The following USH2A variants were observed in gnomAD, a reference collection of about 807,000 sequenced individuals.
USH2A encodes the protein Usher syndrome 2A (autosomal recessive, mild).
A neutral mutation model predicts 538.9 loss-of-function variants in USH2A; 443 were observed. The ratio of observed to expected loss-of-function variants is 0.82; its 90% CI spans 0.76 to 0.89. USH2A has a LOEUF of 0.89. USH2A is among the 40% of genes least tolerant of loss of function. The probability of loss-of-function intolerance (pLI) is 0.00; values close to 1 mark genes in which losing one functional copy is unlikely to be tolerated. For missense variants in USH2A, 6,633 were observed against 6,324.8 expected (o/e 1.05, Z -1.65); for synonymous variants, 2,413 against 2,273.5 (o/e 1.06, Z -1.75).
At chr1:215,839,037 G>A (rs559606649) in intron 46 of USH2A, among the ~76,000 whole-genome samples, 2 of 152,188 alleles carry the variant, frequency 1.3e-5, no homozygotes, top group South Asian at 4.1e-4. Context: ...TACTAGATAT[G>A]CTATTTTATT....
intron 50 of USH2A, among the ~76,000 whole-genome samples, chr1:215,791,343 A>G (rs1257057614): frequency 1.3e-5 from 2 of 152,214 alleles, no homozygotes; most frequent in Non-Finnish European, 2.9e-5. Flanking sequence ...CTCAAATTCA[A>G]AGTGCCCTGG....
intron 38 of USH2A, among the ~76,000 whole-genome samples, chr1:215,916,451 T>C (rs1665957818): frequency 6.6e-6 from 1 of 152,146 alleles, no homozygotes; most frequent in South Asian, 2.1e-4. Flanking sequence ...ACATTTATCT[T>C]GGTCTTTCAC....
Position 215,641,573 on chromosome 1 carries a change from T to C in USH2A, c.14792-839A>G, listed in dbSNP as rs555858333. 7.2e-5 allele frequency among the ~76,000 whole-genome samples: 11 copies of C among 152,318 alleles called. No homozygotes were observed. In the East Asian group the frequency reaches 2.1e-3, roughly 29 times the overall value. ...ACAAATGAAGGGATACCATGTCATC[T>C]TGTCAAGTCAGAAGAGATTTATTTC... On this transcript the variant is annotated intron_variant, in intron 67 of 71. Coordinates refer to ENST00000307340, the MANE Select transcript of USH2A (RefSeq NM_206933.4).
chr1:215,985,652 GTATT>G (rs1667853793), intron 35 of USH2A, among the ~76,000 whole-genome samples: 1 of 151,978 alleles, frequency 6.6e-6, no homozygotes, highest in South Asian at 2.1e-4. Context: ...AGGAAATCAA[GTATT>G]TATTTCTATG....
chr1:215,836,565 A>AATATATATATATATATTTT (rs1663536970), intron 47 of USH2A, among the ~76,000 whole-genome samples: 1 of 32,868 alleles, frequency 3.0e-5, no homozygotes, highest in African/African-American at 9.2e-5. Context: ...ATATATATAT[A>AATATATATATATATATTTT]TTTTTTTTTG....
intron 56 of USH2A, among the ~76,000 whole-genome samples, chr1:215,761,564 GT>G (rs563306158): frequency 8.6e-4 from 131 of 152,244 alleles, no homozygotes; most frequent in African/African-American, 3.1e-3. Flanking sequence ...CCTAATACAT[GT>G]TTAATGAGTA....
intron 14 of USH2A, among the ~76,000 whole-genome samples, chr1:216,221,373 A>G (rs2035455113): frequency 6.6e-6 from 1 of 152,152 alleles, no homozygotes; most frequent in South Asian, 2.1e-4. Flanking sequence ...TTCCCCGATT[A>G]ACAGAGGAGC....
At chr1:216,073,370 C>G in intron 27 of USH2A, 70 bp from the exon 28 acceptor site, 1 of 1,517,514 alleles carries the variant, frequency 6.6e-7, no homozygotes, top group Non-Finnish European at 9.0e-7. Flanking sequence ...TTTTTGTCCT[C>G]TGCAGCACTA....
intron 3 of USH2A, 79 bp downstream of exon 3, chr1:216,418,435 G>C: frequency 6.5e-7 from 1 of 1,527,880 alleles, no homozygotes; most frequent in Non-Finnish European, 9.0e-7. Context: ...GATTTTGTGA[G>C]TAGATGCCAT....
At chr1:215,673,500 G>A (rs1197091153) in intron 63 of USH2A, among the ~76,000 whole-genome samples, 1 of 152,222 alleles carries the variant, frequency 6.6e-6, no homozygotes, top group South Asian at 2.1e-4. Flanking sequence ...GGAGAACAAC[G>A]CACTTCCATG....
chr1:216,370,935 A>G (rs1177360062), intron 3 of USH2A, among the ~76,000 whole-genome samples: 1 of 152,048 alleles, frequency 6.6e-6, no homozygotes, highest in African/African-American at 2.4e-5. Context: ...TACTTACTAC[A>G]TGCCCCTCAT....
rs2102618746 is a variant in USH2A, at chr1:215,623,186, A to ATAT, written c.*2592_*2594dup. 1 of 152,258 alleles carries ATAT rather than the reference A, an allele frequency of 6.6e-6. No individual in the cohort carries two copies. Among genetic ancestry groups the ATAT allele is most frequent in the African/African-American group, 2.4e-5 (1 of 41,560 alleles). 9.4% of individuals were successfully genotyped at this position (152,258 alleles called of 1,614,324 possible). Reference sequence around the variant, plus strand: ...CAACTGTACTCTTACCAAACAGTTGATATTAAGAATAACAAAACATGGTAG... The same window carrying ATAT: ...CAACTGTACTCTTACCAAACAGTTGATATTATTAAGAATAACAAAACATGGTAG... On this transcript the variant is annotated 3_prime_UTR_variant, in exon 72 of 72. Coordinates refer to ENST00000307340, the MANE Select transcript of USH2A (RefSeq NM_206933.4).
chr1:215,834,208 A>G (rs544936647), intron 47 of USH2A, among the ~76,000 whole-genome samples: 1 of 152,248 alleles, frequency 6.6e-6, no homozygotes, highest in Non-Finnish European at 1.5e-5. Flanking sequence ...ACATGAAATG[A>G]AAATATATCT....
chr1:216,060,905 G>C (rs1424202642), intron 30 of USH2A, among the ~76,000 whole-genome samples: 3 of 152,202 alleles, frequency 2.0e-5, no homozygotes, highest in Admixed American at 2.0e-4. Flanking sequence ...CTGCAGCTTT[G>C]CATGTTAACA....
At chr1:216,103,655 T>G (rs2032648729) in intron 21 of USH2A, among the ~76,000 whole-genome samples, 1 of 152,122 alleles carries the variant, frequency 6.6e-6, no homozygotes, top group Admixed American at 6.6e-5. Context: ...TATCAGAAAT[T>G]TAAATTCTTA....
At chr1:216,215,387 A>T (rs1006285714) in intron 15 of USH2A, among the ~76,000 whole-genome samples, 1 of 152,096 alleles carries the variant, frequency 6.6e-6, no homozygotes, top group African/African-American at 2.4e-5. Context: ...CAATTTCATC[A>T]TATCTTTGTG....
intron 47 of USH2A, among the ~76,000 whole-genome samples, chr1:215,817,441 C>T (rs962819565): frequency 1.3e-5 from 2 of 151,824 alleles, no homozygotes; most frequent in Non-Finnish European, 2.9e-5. Context: ...TATGGCTAAT[C>T]AAGAAAATCA....
chr1:216,048,723 G>T, intron 30 of USH2A, 76 bp from the exon 31 acceptor site: 1 of 1,192,466 alleles, frequency 8.4e-7, no homozygotes, highest in Non-Finnish European at 1.3e-6. Context: ...GTATATCTGT[G>T]TGTGTGTCTA....
In USH2A at chr1:216,050,604, CTTTTTTTTTTTTT is replaced by C. The variant is rs746265112; in HGVS notation, c.6050-1970_6050-1958del. On this transcript the variant is annotated intron_variant, in intron 30 of 71. Transcript: ENST00000307340. ...TCTTTCTTTCTTTCTTTCTTTCTTT[CTTTTTTTTTTTTT>C]TTTTTGAGACAGAGTCTCGCTCAGT... Among the ~76,000 whole-genome samples, 34 of 68,590 alleles carry C rather than the reference CTTTTTTTTTTTTT, an allele frequency of 5.0e-4. 1 individual carries two copies. The highest frequency in any genetic ancestry group is 1.6e-3 in the African/African-American group (30 of 18,810). 45.0% of individuals were successfully genotyped at this position (68,590 alleles called of 152,430 possible). A position where few individuals can be genotyped will look rare whatever the true frequency, so the allele number is the denominator to read the frequency against.
Sources: gnomAD v4.1 joint callset for allele counts (sites outside exome capture counted in the v4.1 genomes callset) on GRCh38, gnomAD v4.1.1 for gene constraint, MANE v1.5 for transcripts, NCBI Gene and HGNC (gene_info 2026-07-23, HGNC 2026-07-21) for gene names.